The following CACNB2 variants were observed in gnomAD, a reference collection of about 807,000 sequenced individuals.
CACNB2 encodes the protein calcium voltage-gated channel auxiliary subunit beta 2, also known as voltage-dependent L-type calcium channel subunit beta-2.
CACNB2 carries 42 observed loss-of-function variants against 73.3 expected under a neutral mutation model. The ratio of observed to expected loss-of-function variants is 0.57; its 90% CI spans 0.45 to 0.74. CACNB2 has a LOEUF of 0.74. Among genes scored for constraint, CACNB2 ranks in the 30% least tolerant of loss-of-function variants. The pLI is 0.00. For missense variants in CACNB2, 940 were observed against 853.0 expected, an observed-to-expected ratio of 1.10 and a Z score of -1.27; for synonymous variants, 348 against 310.3, an observed-to-expected ratio of 1.12 and a Z score of -1.28.
intron 13 of CACNB2, among the ~76,000 whole-genome samples, chr10:18,538,772 A>C (rs564646874): frequency 1.3e-5 from 2 of 152,192 alleles, no homozygotes; most frequent in Non-Finnish European, 2.9e-5. Context: ...CTGTTGTATT[A>C]ATGAGTTATT....
intron 2 of CACNB2, among the ~76,000 whole-genome samples, chr10:18,265,525 G>C (rs143635576): frequency 6.6e-6 from 1 of 152,290 alleles, no homozygotes; most frequent in East Asian, 1.9e-4. Flanking sequence ...CTTCAGAAAA[G>C]AACTGGCAAG....
At chr10:18,477,350 C>G (rs2132807913) in intron 3 of CACNB2, among the ~76,000 whole-genome samples, 1 of 152,332 alleles carries the variant, frequency 6.6e-6, no homozygotes, top group East Asian at 1.9e-4. Context: ...TGGTGCTGAA[C>G]TCCCATGAAT....
At chr10:18,218,753 C>T (rs562469078) in intron 2 of CACNB2, among the ~76,000 whole-genome samples, 32 of 152,238 alleles carry the variant, frequency 2.1e-4, no homozygotes, top group Non-Finnish European at 4.0e-4. Flanking sequence ...CCTGTAGTCC[C>T]AGCTACTTGG....
chr10:18,364,827 T>A (rs1371393611), intron 2 of CACNB2, among the ~76,000 whole-genome samples: 1 of 152,222 alleles, frequency 6.6e-6, no homozygotes, highest in African/African-American at 2.4e-5. Context: ...CATGCGATAT[T>A]TCTTCCTTCA....
At chr10:18,347,690 C>T (rs1448746663) in intron 2 of CACNB2, among the ~76,000 whole-genome samples, 3 of 152,012 alleles carry the variant, frequency 2.0e-5, no homozygotes, top group Admixed American at 6.6e-5. Flanking sequence ...CTAGTTTTGT[C>T]TTTACTTTGA....
At chr10:18,290,192 T>A (rs924702268) in intron 2 of CACNB2, among the ~76,000 whole-genome samples, 1 of 138,940 alleles carries the variant, frequency 7.2e-6, no homozygotes, top group African/African-American at 2.6e-5. Context: ...CATGCCTGGC[T>A]AATTTTTGTA....
rs150983646 is a variant in CACNB2, at chr10:18,277,910, T to A, written c.214-124014T>A. On this transcript the variant is annotated intron_variant, in intron 2 of 13. Coordinates refer to ENST00000324631, the MANE Select transcript of CACNB2 (RefSeq NM_201596.3). Reference sequence around the variant, plus strand: ...ACTTAAGCAGATCATGTATGGGAATTTGTCTGGGAACCAGTTTCCTATAAC... The same window carrying A: ...ACTTAAGCAGATCATGTATGGGAATATGTCTGGGAACCAGTTTCCTATAAC... 3.5e-3 allele frequency among the ~76,000 whole-genome samples: 527 copies of A among 152,302 alleles called. 9 individuals carry two copies. Among genetic ancestry groups the A allele is most frequent in the African/African-American group, 0.012 (505 of 41,562 alleles).
intron 5 of CACNB2, among the ~76,000 whole-genome samples, chr10:18,502,860 T>C (rs79031586): frequency 0.068 from 10,338 of 151,890 alleles, 678 homozygotes; most frequent in African/African-American, 0.17. Flanking sequence ...CCTGGGGCAT[T>C]ATGTTCATTA....
At chr10:18,481,232 T>TATATA (rs2048751915) in intron 3 of CACNB2, among the ~76,000 whole-genome samples, 7 of 18,918 alleles carry the variant, frequency 3.7e-4, no homozygotes, top group East Asian at 6.2e-3. Context: ...ATATATATAT[T>TATATA]TTTTTTTTTT....
At chr10:18,296,937 A>T (rs2039304086) in intron 2 of CACNB2, among the ~76,000 whole-genome samples, 1 of 152,260 alleles carries the variant, frequency 6.6e-6, no homozygotes, top group Non-Finnish European at 1.5e-5. Context: ...TCCGTCATTC[A>T]TCTGTAAAAT....
intron 5 of CACNB2, among the ~76,000 whole-genome samples, chr10:18,504,513 A>T (rs1589576740): frequency 6.6e-6 from 1 of 152,306 alleles, no homozygotes; most frequent in East Asian, 1.9e-4. Flanking sequence ...AGAGAACTAG[A>T]TTACCTTTTC....
In CACNB2 at chr10:18,430,469, A is replaced by T. The variant is rs189766401; in HGVS notation, c.333+28426A>T. ...GGGAGACCCTGTCTCTTAAAAAAAAAAAATTAATTAATTAACTGGGTGTGG... is the reference window on the plus strand; with the variant it reads ...GGGAGACCCTGTCTCTTAAAAAAAATAAATTAATTAATTAACTGGGTGTGG... On this transcript the variant is annotated intron_variant, in intron 3 of 13. Coordinates refer to ENST00000324631, the MANE Select transcript of CACNB2 (RefSeq NM_201596.3). Among the ~76,000 whole-genome samples, 71 of 152,276 alleles carry T rather than the reference A, an allele frequency of 4.7e-4. 1 individual carries two copies. Among genetic ancestry groups the T allele is most frequent in the African/African-American group, 1.6e-3 (66 of 41,568 alleles).
intron 5 of CACNB2, among the ~76,000 whole-genome samples, chr10:18,503,667 G>A (rs959554368): frequency 6.6e-6 from 1 of 152,128 alleles, no homozygotes; most frequent in East Asian, 1.9e-4. Flanking sequence ...TGTCAACTAG[G>A]TAGTATATCG....
intron 3 of CACNB2, among the ~76,000 whole-genome samples, chr10:18,493,972 C>T (rs551734140): frequency 2.6e-5 from 4 of 152,282 alleles, no homozygotes; most frequent in South Asian, 4.1e-4. Context: ...TAGGTATCTG[C>T]TGCTCTTGTT....
chr10:18,168,924 T>C (rs1176767114), intron 2 of CACNB2, among the ~76,000 whole-genome samples: 1 of 152,218 alleles, frequency 6.6e-6, no homozygotes, highest in Admixed American at 6.5e-5. Flanking sequence ...TTATAAAATC[T>C]ACTTGATCTT....
At chr10:18,369,184 C>A (rs1010546069) in intron 2 of CACNB2, among the ~76,000 whole-genome samples, 1 of 152,136 alleles carries the variant, frequency 6.6e-6, no homozygotes, top group Non-Finnish European at 1.5e-5. Context: ...CTAAGTCTTA[C>A]AGTAAAATTT....
At chr10:18,155,894 ATATT>A (rs754694237) in intron 2 of CACNB2, among the ~76,000 whole-genome samples, 22,719 of 58,940 alleles carry the variant, frequency 0.39, 1,783 homozygotes, top group South Asian at 0.46. Context: ...GAGAGAGAAC[ATATT>A]ATATATATAT....
At chr10:18,353,111 T>A (rs1467831051) in intron 2 of CACNB2, among the ~76,000 whole-genome samples, 1 of 152,192 alleles carries the variant, frequency 6.6e-6, no homozygotes, top group African/African-American at 2.4e-5. Context: ...GAATTGGGCT[T>A]TAAAAATTTA....
At chr10:18,293,214 C>T (rs774381350) in intron 2 of CACNB2, among the ~76,000 whole-genome samples, 3 of 152,078 alleles carry the variant, frequency 2.0e-5, no homozygotes, top group Admixed American at 1.3e-4. Context: ...GAAGTTAATT[C>T]GCTTTTAATA....
Sources: gnomAD v4.1 joint callset for allele counts (sites outside exome capture counted in the v4.1 genomes callset) on GRCh38, gnomAD v4.1.1 for gene constraint, MANE v1.5 for transcripts, NCBI Gene and HGNC (gene_info 2026-07-23, HGNC 2026-07-21) for gene names.